Variants in MLANA observed in about 807,000 individuals in gnomAD.
MLANA encodes the protein melan-A.
A neutral mutation model predicts 15.7 loss-of-function variants in MLANA; 21 were observed. That is an observed-to-expected ratio of 1.33 (90% confidence interval 0.95 to 1.92). MLANA has a LOEUF of 1.92. MLANA is among the 40% of genes most tolerant of loss of function. The pLI, the probability that MLANA is intolerant of heterozygous loss-of-function variation, is 0.00. For synonymous variants in MLANA, 56 were observed against 51.5 expected (o/e 1.09, Z -0.37); for missense variants, 164 against 143.8 (o/e 1.14, Z -0.72).
chr9:5,901,831 A>T (rs766567592), intron 3 of MLANA, among the ~76,000 whole-genome samples: 1 of 152,148 alleles, frequency 6.6e-6, no homozygotes, highest in Non-Finnish European at 1.5e-5. Context: ...CTGATTTCTC[A>T]ATATTGAACC....
intron 2 of MLANA, among the ~76,000 whole-genome samples, chr9:5,893,460 C>A (rs1831791055): frequency 6.6e-6 from 1 of 152,162 alleles, no homozygotes; most frequent in Non-Finnish European, 1.5e-5. Flanking sequence ...ATGTAAAGCC[C>A]AACAAAGGCA....
At chr9:5,903,458 G>A (rs1026767074) in intron 3 of MLANA, among the ~76,000 whole-genome samples, 3 of 152,112 alleles carry the variant, frequency 2.0e-5, no homozygotes, top group African/African-American at 4.8e-5. Context: ...GAGAGATAAC[G>A]AATTGTCATT....
At chr9:5,893,908 GC>G (rs1237336207) in intron 2 of MLANA, among the ~76,000 whole-genome samples, 2 of 108,196 alleles carry the variant, frequency 1.8e-5, no homozygotes, top group African/African-American at 7.6e-5. Flanking sequence ...CTCCACCCCC[GC>G]CCCCCGCCCC....
chr9:5,895,608 C>G (rs1039208733), intron 2 of MLANA, among the ~76,000 whole-genome samples: 1 of 152,198 alleles, frequency 6.6e-6, no homozygotes, highest in Admixed American at 6.5e-5. Context: ...CAGTGGAGAG[C>G]AGTTCTCACA....
Position 5,910,139 on chromosome 9 carries a change from C to T in MLANA, c.*1431C>T, listed in dbSNP as rs1833076399. 1 of 152,208 alleles carries T rather than the reference C, an allele frequency of 6.6e-6. No individual in the cohort carries two copies. The highest frequency in any genetic ancestry group is 6.5e-5 in the Admixed American group (1 of 15,282). 9.4% of individuals were successfully genotyped at this position (152,208 alleles called of 1,614,324 possible). A position where few individuals can be genotyped will look rare whatever the true frequency, so the allele number is the denominator to read the frequency against. ...ACAAGGATCAGAGAAAAGTTAAAGG[C>T]TGTCTTTGACATAACTGGAAGGCTT... On this transcript the variant is annotated 3_prime_UTR_variant, in exon 5 of 5. Transcript: ENST00000381477.
intron 3 of MLANA, among the ~76,000 whole-genome samples, chr9:5,903,875 T>G (rs78783109): frequency 6.6e-6 from 1 of 152,130 alleles, no homozygotes; most frequent in Non-Finnish European, 1.5e-5. Context: ...TTTTTTTTTT[T>G]GAGACAGAGT....
Position 5,909,622 on chromosome 9 carries a change from C to T in MLANA, c.*914C>T, listed in dbSNP as rs748586630. On this transcript the variant is annotated 3_prime_UTR_variant, in exon 5 of 5. Transcript: ENST00000381477. ...TTACATTTCACTTCAAGGCTCAATG[C>T]TATTCTAACTAATGACAAGTATTTT... is the stretch of plus-strand genomic sequence containing the variant. 3 of 152,208 alleles carry T rather than the reference C, an allele frequency of 2.0e-5. No individual in the cohort carries two copies. The highest frequency in any genetic ancestry group is 4.4e-5 in the Non-Finnish European group (3 of 68,036). 9.4% of individuals were successfully genotyped at this position (152,208 alleles called of 1,614,324 possible). A position where few individuals can be genotyped will look rare whatever the true frequency, so the allele number is the denominator to read the frequency against.
chr9:5,905,667 G>A (rs1263104093), intron 3 of MLANA, among the ~76,000 whole-genome samples: 1 of 152,174 alleles, frequency 6.6e-6, no homozygotes, highest in East Asian at 1.9e-4. Flanking sequence ...GCTAACTAAA[G>A]AATACCTAAA....
Position 5,908,738 on chromosome 9 carries a change from A to C in MLANA, c.*30A>C, listed in dbSNP as rs1331039574. The C allele has an allele frequency of 6.3e-7, 1 of 1,587,734 alleles. No homozygotes were observed. The highest frequency in any genetic ancestry group is 1.1e-5 in the South Asian group (1 of 90,434). On this transcript the variant is annotated 3_prime_UTR_variant, in exon 5 of 5. Coordinates refer to ENST00000381477, the MANE Select transcript of MLANA (RefSeq NM_005511.2). ...CAGCGAGACACCTGAGACATGCTGAAATTATTTCTCTCACACTTTTGCTTG... is the reference window on the plus strand; with the variant it reads ...CAGCGAGACACCTGAGACATGCTGACATTATTTCTCTCACACTTTTGCTTG...
chr9:5,907,089 ATG>A, intron 4 of MLANA, 91 bp downstream of exon 4: 1 of 859,950 alleles, frequency 1.2e-6, no homozygotes, highest in Non-Finnish European at 1.7e-6. Context: ...AGCAAGGACA[ATG>A]TGAATGTACT....
At position 5,897,583 on chromosome 9, in the gene MLANA, T is replaced by C. The variant is rs1309315981; in HGVS notation, c.104T>C (p.Val35Ala). The change falls in exon 3 of 5, where the codon GTG becomes GCG. Residue 35 changes from valine to alanine, a missense_variant. Physicochemically the swap from Val to Ala is moderately conservative, Grantham distance 64. Coordinates refer to ENST00000381477, the MANE Select transcript of MLANA (RefSeq NM_005511.2). ...EEAAGIGILT[V>A]ILGVLLLIGC... ...GCCGCTGGGATCGGCATCCTGACAG[T>C]GATCCTGGGAGTCTTACTGCTCATC... The C allele has an allele frequency of 1.9e-6, 3 of 1,614,162 alleles. No homozygotes were observed. Among genetic ancestry groups the C allele is most frequent in the South Asian group, 1.1e-5 (1 of 91,088 alleles).
chr9:5,902,754 G>A (rs1020009050), intron 3 of MLANA, among the ~76,000 whole-genome samples: 2 of 151,454 alleles, frequency 1.3e-5, no homozygotes, highest in African/African-American at 4.9e-5. Flanking sequence ...CAGTCCTCCT[G>A]CCTTGCCCTC....
intron 3 of MLANA, among the ~76,000 whole-genome samples, chr9:5,902,898 A>C (rs1210585263): frequency 2.0e-5 from 3 of 152,066 alleles, no homozygotes; most frequent in Admixed American, 2.0e-4. Context: ...TATTTTCCTA[A>C]GGTGAAAGCT....
intron 3 of MLANA, among the ~76,000 whole-genome samples, chr9:5,904,694 G>A (rs1027117022): frequency 6.6e-6 from 1 of 151,706 alleles, no homozygotes; most frequent in African/African-American, 2.4e-5. Context: ...GCTGGAACTC[G>A]ACCTCAAGTG....
chr9:5,891,844 T>A (rs2129876184), intron 1 of MLANA, among the ~76,000 whole-genome samples: 1 of 152,318 alleles, frequency 6.6e-6, no homozygotes. Context: ...GTGGAGTGCC[T>A]GGGGACAGGC....
At chr9:5,907,967 T>C (rs535717085) in intron 4 of MLANA, among the ~76,000 whole-genome samples, 1 of 151,972 alleles carries the variant, frequency 6.6e-6, no homozygotes, top group East Asian at 1.9e-4. Flanking sequence ...AATAAATAAA[T>C]AAAATAAAAT....
At chr9:5,905,043 G>A (rs781579200) in intron 3 of MLANA, among the ~76,000 whole-genome samples, 4 of 152,110 alleles carry the variant, frequency 2.6e-5, no homozygotes, top group South Asian at 2.1e-4. Flanking sequence ...AAAGTGCTGC[G>A]ATTACAGGTG....
chr9:5,901,894 T>C (rs1832452651), intron 3 of MLANA, among the ~76,000 whole-genome samples: 1 of 152,234 alleles, frequency 6.6e-6, no homozygotes, highest in South Asian at 2.1e-4. Context: ...TAATTCCTTT[T>C]ATACATTGTT....
At position 5,903,401 on chromosome 9, in the gene MLANA, G is replaced by A. The variant is rs148971497; in HGVS notation, c.175-3484G>A. Reference sequence around the variant, plus strand: ...TATAATTCCTTTTATATATTGTTAGGTTTGATTTGCTAATATGTTGTTGAG... The same window carrying A: ...TATAATTCCTTTTATATATTGTTAGATTTGATTTGCTAATATGTTGTTGAG... On this transcript the variant is annotated intron_variant, in intron 3 of 4. Coordinates refer to ENST00000381477, the MANE Select transcript of MLANA (RefSeq NM_005511.2). Among the ~76,000 whole-genome samples the A allele has an allele frequency of 3.5e-3, 532 of 152,206 alleles. 1 individual carries two copies. Among genetic ancestry groups the A allele is most frequent in the Non-Finnish European group, 5.4e-3 (368 of 68,018 alleles).
Sources: allele counts gnomAD v4.1 joint callset (sites outside exome capture counted in the v4.1 genomes callset), GRCh38; gene constraint gnomAD v4.1.1; transcripts MANE v1.5; gene names NCBI Gene and HGNC (gene_info 2026-07-23, HGNC 2026-07-21).